ERCC1: variants seen among roughly 807,000 people sequenced by gnomAD.
ERCC1 encodes the protein ERCC excision repair 1, endonuclease non-catalytic subunit.
Under a neutral mutation model 37.6 loss-of-function variants are expected in ERCC1, and 36 were observed. The observed-to-expected ratio is 0.96, with a 90% CI of 0.73 to 1.26. ERCC1 has a LOEUF of 1.26. ERCC1 is among the 50% of genes most tolerant of loss of function. The pLI, the probability that ERCC1 is intolerant of heterozygous loss-of-function variation, is 0.00. For missense variants in ERCC1, 349 were observed against 376.5 expected, an observed-to-expected ratio of 0.93 and a Z score of 0.60; for synonymous variants, 156 against 162.1, an observed-to-expected ratio of 0.96 and a Z score of 0.28.
Position 45,407,413 on chromosome 19 carries a change from C to CA in ERCC1, c.*2261dup. 1.7e-6 allele frequency: 1 copy of CA among 591,572 alleles called. No individual in the cohort carries two copies. Among genetic ancestry groups the CA allele is most frequent in the Non-Finnish European group, 2.9e-6 (1 of 347,674 alleles). 36.6% of individuals were successfully genotyped at this position (591,572 alleles called of 1,614,324 possible). ...CTCAGAAAGCAGGGGGAGAAACCCA[C>CA]AGCCCTTTGTTAGTATTTCTACTTA... On this transcript the variant is annotated 3_prime_UTR_variant, in exon 10 of 10. Transcript: ENST00000300853.
In ERCC1 at chr19:45,409,543, G is replaced by T. The variant is rs778552962; in HGVS notation, c.*132C>A. 4 of 1,574,336 alleles carry T rather than the reference G, an allele frequency of 2.5e-6. No homozygotes were observed. Among genetic ancestry groups the T allele is most frequent in the South Asian group, 2.3e-5 (2 of 86,904 alleles). On this transcript the variant is annotated 3_prime_UTR_variant, in exon 10 of 10. Transcript: ENST00000300853. ...TGAGGAACTAAAGAAAGCTGAAGGT[G>T]CCCACCTGGGCCACCAGAAGGTGAC...
chr19:45,430,034 T>C, intron 1 of ERCC1, among the ~76,000 whole-genome samples: 1 of 152,152 alleles, frequency 6.6e-6, no homozygotes, highest in East Asian at 1.9e-4. Flanking sequence ...TCCACCCGCC[T>C]CGGCCTCCCA....
At chr19:45,414,992 G>A (rs771498778) in intron 6 of ERCC1, 32 bp from the exon 7 acceptor site, 5 of 1,509,474 alleles carry the variant, frequency 3.3e-6, no homozygotes, top group East Asian at 4.5e-5. Context: ...CAGCCGGGAG[G>A]TGAGGTATCA....
intron 1 of ERCC1, among the ~76,000 whole-genome samples, chr19:45,446,247 C>T (rs1027577246): frequency 3.9e-5 from 6 of 152,118 alleles, no homozygotes; most frequent in Non-Finnish European, 7.4e-5. Context: ...GGGGAATAGA[C>T]TTTGGAGGAC....
rs527678330 is a variant in ERCC1 at position 45,409,930 on chromosome 19, C to T, written c.844-205G>A. The T allele has an allele frequency of 1.9e-3, 379 of 200,080 alleles. 1 individual carries two copies. Among genetic ancestry groups the T allele is most frequent in the African/African-American group, 8.7e-3 (354 of 40,694 alleles). 12.4% of individuals were successfully genotyped at this position (200,080 alleles called of 1,614,324 possible). On this transcript the variant is annotated intron_variant, in intron 9 of 9. Transcript: ENST00000300853. ...TTTTTGAGATGGAGTCTCGCTCTGT[C>T]GCCCAGGTTGGAGTGCAGTGGCGCA...
chr19:45,445,673 A>T (rs1313008118), intron 1 of ERCC1, among the ~76,000 whole-genome samples: 1 of 152,076 alleles, frequency 6.6e-6, no homozygotes, highest in Non-Finnish European at 1.5e-5. Flanking sequence ...AGGTGAAGAC[A>T]TGTCTGGTGT....
Position 45,418,149 on chromosome 19 carries a change from A to C in ERCC1, c.525+949T>G, listed in dbSNP as rs139055659. On this transcript the variant is annotated intron_variant, in intron 5 of 9. Coordinates refer to ENST00000300853, the MANE Select transcript of ERCC1 (RefSeq NM_001983.4). Reference sequence around the variant, plus strand: ...GATCACCTGAGATCAGAAGTTCAAGACCAGCCTGACCAACATGGTGAAACC... The same window carrying C: ...GATCACCTGAGATCAGAAGTTCAAGCCCAGCCTGACCAACATGGTGAAACC... Among the ~76,000 whole-genome samples the C allele has an allele frequency of 5.5e-3, 832 of 152,264 alleles. 1 individual carries two copies. The highest frequency in any genetic ancestry group is 8.7e-3 in the Non-Finnish European group (595 of 68,018).
At chr19:45,419,076 C>G (rs374216373) in intron 5 of ERCC1, 22 bp downstream of exon 5, 1 of 1,517,564 alleles carries the variant, frequency 6.6e-7, no homozygotes. Flanking sequence ...GTGAGGCTGG[C>G]TAGGGAGCAG....
Position 45,413,405 on chromosome 19 carries a change from T to TACAGGCACGTAGCAAGCTCACACC in ERCC1, c.843+248_843+271dup, listed in dbSNP as rs1213363334. Reference sequence around the variant, plus strand: ...CCTCAGTCTCCCCAGTAGCTGAGACTACAGGCACGTAGCAAGCTCACACCA... The same window carrying TACAGGCACGTAGCAAGCTCACACC: ...CCTCAGTCTCCCCAGTAGCTGAGACTACAGGCACGTAGCAAGCTCACACCACAGGCACGTAGCAAGCTCACACCA... On this transcript the variant is annotated intron_variant, in intron 9 of 9. Coordinates refer to ENST00000300853, the MANE Select transcript of ERCC1 (RefSeq NM_001983.4). 17 of 639,312 alleles carry TACAGGCACGTAGCAAGCTCACACC rather than the reference T, an allele frequency of 2.7e-5. No homozygotes were observed. In the African/African-American group the frequency reaches 3.1e-4, roughly 12 times the overall value. 39.6% of individuals were successfully genotyped at this position (639,312 alleles called of 1,614,324 possible).
rs374723176 is a variant in ERCC1, at chr19:45,421,295, A to G, written c.204T>C (p.Pro68=). The change falls in exon 3 of 10, where the codon CCT becomes CCC. Residue 68 remains proline, a synonymous_variant. Transcript: ENST00000300853. ...GGCACGTGGCCCCAGCCCCTTCCAGAGGCTGTGAGATGGCATATTCGGCGT... is the reference window on the plus strand; with the variant it reads ...GGCACGTGGCCCCAGCCCCTTCCAGGGGCTGTGAGATGGCATATTCGGCGT... ...QTYAEYAISQ[P]LEGAGATCPT... 16 of 1,613,886 alleles carry G rather than the reference A, an allele frequency of 9.9e-6. No homozygotes were observed. The African/African-American group carries it at 1.1e-4, about 11-fold the overall frequency.
At chr19:45,434,933 G>A (rs1487194709) in intron 1 of ERCC1, among the ~76,000 whole-genome samples, 1 of 151,630 alleles carries the variant, frequency 6.6e-6, no homozygotes, top group African/African-American at 2.4e-5. Flanking sequence ...GCACCACCAC[G>A]CCCGGCTAAT....
At chr19:45,412,842 C>T (rs1291661693) in intron 9 of ERCC1, among the ~76,000 whole-genome samples, 21 of 151,660 alleles carry the variant, frequency 1.4e-4, no homozygotes, top group East Asian at 3.9e-4. Context: ...CGGGTTCAAA[C>T]GATTGTCCTG....
intron 1 of ERCC1, among the ~76,000 whole-genome samples, chr19:45,431,644 T>A (rs1974832991): frequency 7.0e-6 from 1 of 142,316 alleles, no homozygotes; most frequent in Admixed American, 7.4e-5. Flanking sequence ...GCCATTGCAC[T>A]CCAGCCTGAG....
In ERCC1 at chr19:45,423,195, C is replaced by T. The variant is rs1012661787; in HGVS notation, c.105+75G>A. On this transcript the variant is annotated intron_variant, in intron 2 of 9. Coordinates refer to ENST00000300853, the MANE Select transcript of ERCC1 (RefSeq NM_001983.4). ...CAAATCCACTAACCCACACCCTGGT[C>T]CCACAGGCCCCATCCTATCCTCTTC... is the stretch of plus-strand genomic sequence containing the variant. 3.5e-6 allele frequency: 5 copies of T among 1,436,544 alleles called. No homozygotes were observed. The African/African-American group carries it at 4.2e-5, about 12-fold the overall frequency. The allele number at this position is 1,436,544 out of a possible 1,614,324, so 89.0% of individuals were successfully genotyped here.
intron 1 of ERCC1, among the ~76,000 whole-genome samples, chr19:45,442,336 G>GAA (rs960955337): frequency 9.9e-6 from 1 of 100,620 alleles, no homozygotes; most frequent in African/African-American, 3.5e-5. Context: ...AAAAGAAAAA[G>GAA]AAAAAAAGTT....
At chr19:45,425,379 G>GATTT (rs575392209), upstream of ERCC1, among the ~76,000 whole-genome samples, 22 of 151,810 alleles carry the variant, frequency 1.4e-4, no homozygotes, top group South Asian at 1.5e-3. Flanking sequence ...ATCTATGTAA[G>GATTT]ATTTATTTAT....
At chr19:45,443,882 C>T (rs1405296982) in intron 1 of ERCC1, among the ~76,000 whole-genome samples, 1 of 151,604 alleles carries the variant, frequency 6.6e-6, no homozygotes, top group East Asian at 1.9e-4. Context: ...AACCTCTCTC[C>T]TCTACACCCC....
Position 45,441,693 on chromosome 19 carries a change from T to C in ERCC1, c.-7-18312A>G, listed in dbSNP as rs111803736. 3.0e-3 allele frequency among the ~76,000 whole-genome samples: 451 copies of C among 150,836 alleles called. 2 individuals carry two copies. The highest frequency in any genetic ancestry group is 0.01 in the African/African-American group (418 of 41,004). ...TCCAGCCTAATTTTTTTTTTTTTTT[T>C]CTGAGACGGAGTCTTGCTCTGTCAC... On this transcript the variant is annotated intron_variant, in intron 1 of 8. Transcript: ENST00000423698.
intron 1 of ERCC1, chr19:45,436,570 G>A (rs1175941848): frequency 6.6e-6 from 1 of 152,292 alleles, no homozygotes; most frequent in Non-Finnish European, 1.5e-5. Flanking sequence ...AGCTTGCAGT[G>A]AGCCGAGATC....
Sources: allele counts gnomAD v4.1 joint callset (sites outside exome capture counted in the v4.1 genomes callset), GRCh38; gene constraint gnomAD v4.1.1; transcripts MANE v1.5; gene names NCBI Gene and HGNC (gene_info 2026-07-23, HGNC 2026-07-21).